Variants in SYNDIG1 observed in about 807,000 individuals in gnomAD.
The protein encoded by SYNDIG1 is synapse differentiation inducing 1.
In SYNDIG1, 9 loss-of-function variants were observed where a neutral mutation model predicts 19.4. That is an observed-to-expected ratio of 0.46 (90% CI 0.28 to 0.81). The LOEUF is 0.81. Among genes scored for constraint, SYNDIG1 ranks in the 30% least tolerant of loss-of-function variants. The pLI, the probability that SYNDIG1 is intolerant of heterozygous loss-of-function variation, is 0.12. For synonymous variants in SYNDIG1, 141 were observed against 145.9 expected (o/e 0.97, Z 0.24); for missense variants, 311 against 343.3 (o/e 0.91, Z 0.74).
At chr20:24,517,980 T>C (rs979564141) in intron 1 of SYNDIG1, among the ~76,000 whole-genome samples, 4 of 151,288 alleles carry the variant, frequency 2.6e-5, no homozygotes, top group African/African-American at 9.7e-5. Flanking sequence ...TAATTTTTTG[T>C]ATTTTTAGTA....
At chr20:24,499,451 A>C (rs766820948) in intron 1 of SYNDIG1, among the ~76,000 whole-genome samples, 4 of 152,224 alleles carry the variant, frequency 2.6e-5, no homozygotes, top group Non-Finnish European at 5.9e-5. Flanking sequence ...GTGTGGAAGG[A>C]TAATTAACTC....
chr20:24,554,047 A>G (rs1240266181), intron 2 of SYNDIG1, among the ~76,000 whole-genome samples: 1 of 152,146 alleles, frequency 6.6e-6, no homozygotes, highest in African/African-American at 2.4e-5. Context: ...TTGGATTCCT[A>G]AGTATTTTAT....
At chr20:24,535,198 A>G (rs190602414) in intron 1 of SYNDIG1, among the ~76,000 whole-genome samples, 42 of 152,326 alleles carry the variant, frequency 2.8e-4, no homozygotes, top group Admixed American at 1.0e-3. Context: ...GCAGCACCAT[A>G]GTTGTTTGCC....
At chr20:24,532,210 C>G (rs1225802951) in intron 1 of SYNDIG1, among the ~76,000 whole-genome samples, 1 of 152,162 alleles carries the variant, frequency 6.6e-6, no homozygotes, top group Non-Finnish European at 1.5e-5. Flanking sequence ...CCGTATTACA[C>G]AAGAGCTAAA....
chr20:24,569,313 G>A (rs1366939482), intron 2 of SYNDIG1, among the ~76,000 whole-genome samples: 1 of 152,148 alleles, frequency 6.6e-6, no homozygotes, highest in Non-Finnish European at 1.5e-5. Flanking sequence ...CGCTCAAAGG[G>A]GTGGCATCCC....
At chr20:24,606,915 T>G (rs376541903) in intron 3 of SYNDIG1, among the ~76,000 whole-genome samples, 2 of 152,358 alleles carry the variant, frequency 1.3e-5, no homozygotes, top group African/African-American at 4.8e-5. Flanking sequence ...ATCTTCATTT[T>G]GAAGCTGCCC....
At chr20:24,619,744 A>G (rs1200594692) in intron 3 of SYNDIG1, among the ~76,000 whole-genome samples, 1 of 152,248 alleles carries the variant, frequency 6.6e-6, no homozygotes, top group African/African-American at 2.4e-5. Context: ...AGCTCCAGCC[A>G]TTAAAGGAAA....
chr20:24,490,077 C>T (rs1600415334), intron 1 of SYNDIG1, among the ~76,000 whole-genome samples: 2 of 152,188 alleles, frequency 1.3e-5, no homozygotes, highest in East Asian at 1.9e-4. Context: ...AGAGAGGCAC[C>T]CTCCAGGATA....
At chr20:24,479,752 C>G (rs1286345877) in intron 1 of SYNDIG1, among the ~76,000 whole-genome samples, 2 of 152,220 alleles carry the variant, frequency 1.3e-5, no homozygotes, top group Non-Finnish European at 2.9e-5. Context: ...GCCTCCAGGA[C>G]TGCCAGGAGA....
chr20:24,536,175 T>C (rs1376379998), intron 1 of SYNDIG1, among the ~76,000 whole-genome samples: 1 of 152,168 alleles, frequency 6.6e-6, no homozygotes, highest in Non-Finnish European at 1.5e-5. Context: ...GGCCATGCTG[T>C]CATCCAGGCC....
At chr20:24,624,200 G>A (rs978717238) in intron 3 of SYNDIG1, among the ~76,000 whole-genome samples, 1 of 145,248 alleles carries the variant, frequency 6.9e-6, no homozygotes, top group Non-Finnish European at 1.5e-5. Context: ...AGCTTGCAAT[G>A]AGCCGAGATC....
chr20:24,518,644 C>A (rs1173916480), intron 1 of SYNDIG1, among the ~76,000 whole-genome samples: 1 of 152,198 alleles, frequency 6.6e-6, no homozygotes, highest in Non-Finnish European at 1.5e-5. Context: ...GTGCTGGGAG[C>A]AGCTTCCTGG....
At chr20:24,478,384 T>C (rs2055696146) in intron 1 of SYNDIG1, among the ~76,000 whole-genome samples, 1 of 152,212 alleles carries the variant, frequency 6.6e-6, no homozygotes. Context: ...CCCAGATGCC[T>C]GTTTGACACT....
intron 1 of SYNDIG1, among the ~76,000 whole-genome samples, chr20:24,480,243 T>A (rs532625522): frequency 6.6e-6 from 1 of 152,346 alleles, no homozygotes; most frequent in African/African-American, 2.4e-5. Flanking sequence ...TACAAGTAAC[T>A]GTCAAGAAAT....
chr20:24,513,386 A>G (rs189087760), intron 1 of SYNDIG1, among the ~76,000 whole-genome samples: 3 of 152,344 alleles, frequency 2.0e-5, no homozygotes, highest in Admixed American at 2.0e-4. Context: ...AAAAAAGCTT[A>G]GCTGAATGGC....
chr20:24,558,201 A>G (rs2057864982), intron 2 of SYNDIG1, among the ~76,000 whole-genome samples: 1 of 152,214 alleles, frequency 6.6e-6, no homozygotes, highest in Middle Eastern at 3.2e-3. Flanking sequence ...GAAGGAACTC[A>G]GATAAAACAA....
chr20:24,545,412 G>A (rs1321785206), intron 2 of SYNDIG1, among the ~76,000 whole-genome samples: 2 of 152,158 alleles, frequency 1.3e-5, no homozygotes, highest in Non-Finnish European at 1.5e-5. Context: ...AGATCTGAGG[G>A]CTTTGCTGAC....
intron 1 of SYNDIG1, among the ~76,000 whole-genome samples, chr20:24,520,649 T>C (rs2071960457): frequency 6.6e-6 from 1 of 150,926 alleles, no homozygotes; most frequent in South Asian, 2.1e-4. Flanking sequence ...GCTGAGATCA[T>C]GCCAGTGTAC....
intron 1 of SYNDIG1, among the ~76,000 whole-genome samples, chr20:24,486,073 G>T (rs1003515714): frequency 6.6e-5 from 10 of 152,208 alleles, no homozygotes; most frequent in Non-Finnish European, 1.0e-4. Flanking sequence ...CCAGCAGTGG[G>T]TCCCCTATTC....
Sources: allele counts gnomAD v4.1 joint callset (sites outside exome capture counted in the v4.1 genomes callset), GRCh38; gene constraint gnomAD v4.1.1; transcripts MANE v1.5; gene names NCBI Gene and HGNC (gene_info 2026-07-23, HGNC 2026-07-21).